The following NDST3 variants were observed in gnomAD, a reference collection of about 807,000 sequenced individuals.
NDST3 encodes N-deacetylase and N-sulfotransferase 3.
NDST3 carries 58 observed loss-of-function variants against 96.1 expected under a neutral mutation model. The ratio of observed to expected loss-of-function variants is 0.60; its 90% CI spans 0.49 to 0.75. NDST3 has a LOEUF of 0.75. Ranked by LOEUF, NDST3 falls within the 30% of genes least tolerant of loss-of-function variation. The pLI is 0.00. For synonymous variants in NDST3, 333 were observed against 359.7 expected (o/e 0.93, Z 0.84); for missense variants, 788 against 1,034.2 (o/e 0.76, Z 3.27).
chr4:118,074,057 G>A (rs1325821282), intron 2 of NDST3, among the ~76,000 whole-genome samples: 2 of 152,094 alleles, frequency 1.3e-5, no homozygotes, highest in East Asian at 3.8e-4. Flanking sequence ...GGAGTAGGTT[G>A]CTTAATTTTC....
chr4:118,199,755 A>G, intron 6 of NDST3, among the ~76,000 whole-genome samples: 1 of 152,116 alleles, frequency 6.6e-6, no homozygotes, highest in Non-Finnish European at 1.5e-5. Flanking sequence ...TCTAAGCTAT[A>G]TCTGCTTTAG....
Position 118,233,244 on chromosome 4 carries a change from C to T in NDST3, c.1943+109C>T, listed in dbSNP as rs868115679. On this transcript the variant is annotated intron_variant, in intron 9 of 13. Transcript: ENST00000296499. ...GTTTGTAGTCACAAATAAAATTTAACCTCTGTGCCTTGGAAATTGATTGAA... is the reference window on the plus strand; with the variant it reads ...GTTTGTAGTCACAAATAAAATTTAATCTCTGTGCCTTGGAAATTGATTGAA... 1.4e-5 allele frequency: 14 copies of T among 982,538 alleles called. No individual in the cohort carries two copies. The Middle Eastern group carries it at 2.7e-3, about 187-fold the overall frequency. The allele number at this position is 982,538 out of a possible 1,614,324, so 60.9% of individuals were successfully genotyped here.
At chr4:118,164,579 A>G (rs1436850200) in intron 6 of NDST3, among the ~76,000 whole-genome samples, 1 of 152,174 alleles carries the variant, frequency 6.6e-6, no homozygotes, top group Non-Finnish European at 1.5e-5. Flanking sequence ...GAAATGCTAA[A>G]AGGAGTCCTT....
rs558185059 is a variant in NDST3 at position 118,101,906 on chromosome 4, T to C, written c.982-3112T>C. ...CATTTGATGCAATATTCTGCATTCATTACAAAATTTGGTTTTGGAAGATTA... is the reference window on the plus strand; with the variant it reads ...CATTTGATGCAATATTCTGCATTCACTACAAAATTTGGTTTTGGAAGATTA... On this transcript the variant is annotated intron_variant, in intron 2 of 13. Transcript: ENST00000296499. Among the ~76,000 whole-genome samples, 134 of 152,238 alleles carry C rather than the reference T, an allele frequency of 8.8e-4. 2 individuals are homozygous for C. The highest frequency in any genetic ancestry group is 3.0e-3 in the African/African-American group (126 of 41,548).
intron 6 of NDST3, among the ~76,000 whole-genome samples, chr4:118,195,903 G>A (rs1219186223): frequency 6.6e-6 from 1 of 152,182 alleles, no homozygotes; most frequent in Admixed American, 6.5e-5. Flanking sequence ...AGTGGTGAAA[G>A]TGGGCATCCT....
chr4:118,180,972 C>T (rs1736572224), intron 6 of NDST3, among the ~76,000 whole-genome samples: 1 of 152,076 alleles, frequency 6.6e-6, no homozygotes, highest in Non-Finnish European at 1.5e-5. Context: ...TTGCCAATGA[C>T]TCATCAGGCA....
intron 4 of NDST3, 50 bp from the exon 5 acceptor site, chr4:118,138,004 G>T: frequency 1.4e-6 from 2 of 1,410,878 alleles, no homozygotes; most frequent in Non-Finnish European, 9.5e-7. Context: ...TGTAAAAATA[G>T]GATCAAGATA....
intron 4 of NDST3, among the ~76,000 whole-genome samples, chr4:118,130,297 A>C (rs1732506682): frequency 1.3e-5 from 2 of 151,998 alleles, no homozygotes; most frequent in African/African-American, 2.4e-5. Flanking sequence ...CCTTTCAGTG[A>C]AGATAATTTT....
intron 1 of NDST3, among the ~76,000 whole-genome samples, chr4:118,037,292 CAT>C: frequency 6.6e-6 from 1 of 152,316 alleles, no homozygotes; most frequent in Admixed American, 6.5e-5. Context: ...AGTTTTTACT[CAT>C]AGAATAGTTA....
chr4:118,072,339 T>C (rs1055895757), intron 2 of NDST3, among the ~76,000 whole-genome samples: 2 of 152,138 alleles, frequency 1.3e-5, no homozygotes, highest in Non-Finnish European at 2.9e-5. Context: ...ATTTTAACAA[T>C]ATTGATTCTT....
chr4:118,192,451 ATTT>A (rs1354346767), intron 6 of NDST3, among the ~76,000 whole-genome samples: 3 of 152,030 alleles, frequency 2.0e-5, no homozygotes, highest in Admixed American at 1.3e-4. Flanking sequence ...TTTTGATTTG[ATTT>A]TTTTATGTGG....
chr4:118,061,147 C>A (rs766366294), intron 2 of NDST3, among the ~76,000 whole-genome samples: 1 of 152,152 alleles, frequency 6.6e-6, no homozygotes, highest in Admixed American at 6.6e-5. Flanking sequence ...TTTTCCCTCA[C>A]GCTACTGCAG....
chr4:118,107,091 AAAT>A (rs148548944), intron 3 of NDST3, among the ~76,000 whole-genome samples: 190 of 145,092 alleles, frequency 1.3e-3, no homozygotes, highest in East Asian at 0.01. Flanking sequence ...CTCCATCTCA[AAAT>A]AATAATAATA....
chr4:118,153,106 A>C (rs1235844257), intron 6 of NDST3, among the ~76,000 whole-genome samples: 1 of 152,230 alleles, frequency 6.6e-6, no homozygotes, highest in Non-Finnish European at 1.5e-5. Context: ...CTGTGAGAAC[A>C]GTCATTATGG....
intron 5 of NDST3, among the ~76,000 whole-genome samples, chr4:118,143,083 T>C (rs1248301972): frequency 6.6e-6 from 1 of 152,186 alleles, no homozygotes; most frequent in Non-Finnish European, 1.5e-5. Flanking sequence ...ATTTAAAATG[T>C]CATTCCCTAA....
intron 5 of NDST3, among the ~76,000 whole-genome samples, chr4:118,142,485 G>A (rs915481405): frequency 1.3e-5 from 2 of 151,928 alleles, no homozygotes; most frequent in Non-Finnish European, 2.9e-5. Flanking sequence ...AAAAACACTA[G>A]TATATTTCTA....
At chr4:118,212,348 G>A (rs1425521879) in intron 6 of NDST3, among the ~76,000 whole-genome samples, 2 of 152,094 alleles carry the variant, frequency 1.3e-5, no homozygotes, top group Non-Finnish European at 2.9e-5. Context: ...AGACCAGCCT[G>A]AGCAACATGG....
At chr4:118,037,993 T>C (rs76048281) in intron 1 of NDST3, among the ~76,000 whole-genome samples, 2 of 152,222 alleles carry the variant, frequency 1.3e-5, no homozygotes, top group Non-Finnish European at 2.9e-5. Flanking sequence ...ATCTGGTTCA[T>C]GTAACCTGCC....
At chr4:118,067,638 G>C (rs2125795021) in intron 2 of NDST3, among the ~76,000 whole-genome samples, 1 of 152,182 alleles carries the variant, frequency 6.6e-6, no homozygotes, top group South Asian at 2.1e-4. Flanking sequence ...TATCTTTAAG[G>C]ATGCCAGTGG....
Sources: gnomAD v4.1 joint callset for allele counts (sites outside exome capture counted in the v4.1 genomes callset) on GRCh38, gnomAD v4.1.1 for gene constraint, MANE v1.5 for transcripts, NCBI Gene and HGNC (gene_info 2026-07-23, HGNC 2026-07-21) for gene names.